The following TMEM219 variants were observed in gnomAD, a reference collection of about 807,000 sequenced individuals.
The protein encoded by TMEM219 is transmembrane protein 219, also known as insulin-like growth factor-binding protein 3 receptor.
TMEM219 carries 18 observed loss-of-function variants against 17.9 expected under a neutral mutation model. That is an observed-to-expected ratio of 1.01 (90% CI 0.70 to 1.49). The LOEUF (loss-of-function observed/expected upper bound fraction) is 1.49, where lower values mean the gene tolerates loss of function less well. Ranked by LOEUF, TMEM219 falls within the 40% of genes most tolerant of loss-of-function variation. The pLI is 0.00. For missense variants in TMEM219, 288 were observed against 292.4 expected (o/e 0.99, Z 0.11); for synonymous variants, 113 against 124.0 (o/e 0.91, Z 0.59).
Position 29,971,447 on chromosome 16 carries a change from G to T in TMEM219, c.625G>T (p.Gly209Cys). ...ALCGSRLLVL[G>C]SFLLLFCGLL... The stretch of plus-strand genomic sequence containing the variant: ...GTGTGGCTCCAGGCTGCTGGTCTTG[G>T]GCTCCTTCCTGCTTCTCTTCTGTGG... Residue 209 changes from glycine (G) to cysteine (C), a missense_variant, in exon 5 of 6, where the codon GGC becomes TGC. Coordinates refer to ENST00000279396, the MANE Select transcript of TMEM219 (RefSeq NM_001083613.2). 1 of 1,614,052 alleles carries T rather than the reference G, an allele frequency of 6.2e-7. No individual in the cohort carries two copies. The highest frequency in any genetic ancestry group is 2.2e-5 in the East Asian group (1 of 44,874).
At chr16:29,971,323 G>C (rs2069284089) in intron 4 of TMEM219, 85 bp from the exon 5 acceptor site, 2 of 1,480,676 alleles carry the variant, frequency 1.4e-6, no homozygotes, top group East Asian at 2.3e-5. Context: ...GATGTGGAGA[G>C]CCCTCTCCCT....
At chr16:29,967,418 G>A (rs1487702614) in intron 3 of TMEM219, among the ~76,000 whole-genome samples, 5 of 152,002 alleles carry the variant, frequency 3.3e-5, no homozygotes, top group East Asian at 3.9e-4. Flanking sequence ...AGTCCAGCCC[G>A]GGCAATACAG....
intron 3 of TMEM219, 99 bp from the exon 4 acceptor site, chr16:29,967,926 C>CAAAA: frequency 2.5e-6 from 2 of 793,860 alleles, no homozygotes; most frequent in Non-Finnish European, 3.8e-6. Context: ...GACTCCGCCT[C>CAAAA]AAAAAAAAAA....
In TMEM219 at chr16:29,963,258, A is replaced by G; in HGVS notation, c.115A>G (p.Ser39Gly). The change falls in exon 2 of 6, where the codon AGC becomes GGC. Residue 39 changes from serine (S) to glycine (G), a missense_variant. Transcript: ENST00000279396. ...TGGCCTCTCTGGCCTGGGCCTTGGC[A>G]GCTTCCTCCTCACCCACAGGACTGG... The part of the protein sequence containing the change: ...LLGLSGLGLG[S>G]FLLTHRTGLR... 1.2e-6 allele frequency: 2 copies of G among 1,614,066 alleles called. No individual in the cohort carries two copies. The highest frequency in any genetic ancestry group is 1.7e-6 in the Non-Finnish European group (2 of 1,180,024).
rs373561978 is a variant in TMEM219 at position 29,963,400 on chromosome 16, G to C, written c.166G>C (p.Asp56His). The change falls in exon 3 of 6, where the codon GAC becomes CAC. Residue 56 changes from aspartate (D) to histidine (H), a missense_variant and splice_region_variant. Coordinates refer to ENST00000279396, the MANE Select transcript of TMEM219 (RefSeq NM_001083613.2). Reference protein sequence around the residue: ...TGLRSPDIPQDWVSFLRSFGQ... With the variant: ...TGLRSPDIPQHWVSFLRSFGQ... ...CTCACCCGTCTTCTTTTGCTCACAGGACTGGGTCTCTTTTTTGAGATCTTT... is the reference window on the plus strand; with the variant it reads ...CTCACCCGTCTTCTTTTGCTCACAGCACTGGGTCTCTTTTTTGAGATCTTT... 3.7e-6 allele frequency: 6 copies of C among 1,614,020 alleles called. No individual in the cohort carries two copies. In the African/African-American group the frequency reaches 8.0e-5, roughly 22 times the overall value.
intron 4 of TMEM219, among the ~76,000 whole-genome samples, chr16:29,969,306 C>T (rs1159003079): frequency 6.8e-6 from 1 of 147,776 alleles, no homozygotes; most frequent in Non-Finnish European, 1.5e-5. Flanking sequence ...ATGCCATTCT[C>T]CTGCCTCAGG....
chr16:29,969,745 GAA>G (rs1484888470), intron 4 of TMEM219, among the ~76,000 whole-genome samples: 2 of 152,132 alleles, frequency 1.3e-5, no homozygotes, highest in Non-Finnish European at 2.9e-5. Flanking sequence ...TTAGGAAGGA[GAA>G]AAGGCAAGAG....
intron 4 of TMEM219, among the ~76,000 whole-genome samples, chr16:29,969,190 C>T (rs1481295432): frequency 2.8e-5 from 4 of 145,132 alleles, no homozygotes; most frequent in Non-Finnish European, 6.0e-5. Context: ...GTTTCTTTTT[C>T]GCTTTTTTTT....
intron 5 of TMEM219, chr16:29,972,286 A>G (rs1230786378): frequency 1.3e-5 from 2 of 152,218 alleles, no homozygotes; most frequent in African/African-American, 2.4e-5. Flanking sequence ...CTAACTGATG[A>G]TACTCATTTA....
Position 29,968,108 on chromosome 16 carries a change from G to A in TMEM219, c.439G>A (p.Val147Ile). The A allele has an allele frequency of 1.9e-6, 3 of 1,614,162 alleles. No homozygotes were observed. Among genetic ancestry groups the A allele is most frequent in the Non-Finnish European group, 2.5e-6 (3 of 1,180,032 alleles). ...AGGAACCTGCCTATATTTTAGTGCT[G>A]TTCCAGGAATCCTACCCTCCAGCCA... ...TAGTCLYFSA[V>I]PGILPSSQPP... Residue 147 changes from valine (V) to isoleucine (I), a missense_variant, in exon 4 of 6, where the codon GTT (valine) becomes ATT (isoleucine). Physicochemically the swap from Val to Ile is conservative, Grantham distance 29. Transcript: ENST00000279396.
intron 3 of TMEM219, among the ~76,000 whole-genome samples, chr16:29,965,196 T>G (rs973867207): frequency 2.6e-5 from 4 of 152,068 alleles, no homozygotes; most frequent in African/African-American, 9.7e-5. Context: ...TTTTCTGACT[T>G]CTGAGGTCCT....
intron 4 of TMEM219, among the ~76,000 whole-genome samples, chr16:29,969,058 A>G (rs533459725): frequency 3.2e-4 from 48 of 152,276 alleles, no homozygotes; most frequent in Admixed American, 6.5e-4. Flanking sequence ...GCACAGGCCT[A>G]GAGATTGAAA....
intron 3 of TMEM219, among the ~76,000 whole-genome samples, chr16:29,966,813 T>G (rs2069218524): frequency 6.6e-6 from 1 of 151,994 alleles, no homozygotes; most frequent in South Asian, 2.1e-4. Flanking sequence ...TGAAACTCTG[T>G]CTCAAAAATA....
chr16:29,966,874 TAA>T (rs959194722), intron 3 of TMEM219, among the ~76,000 whole-genome samples: 3 of 152,150 alleles, frequency 2.0e-5, no homozygotes, highest in Non-Finnish European at 2.9e-5. Flanking sequence ...TTTAAATACT[TAA>T]GTTTTTTTTT....
At chr16:29,964,576 G>T (rs1258521226) in intron 3 of TMEM219, among the ~76,000 whole-genome samples, 1 of 151,740 alleles carries the variant, frequency 6.6e-6, no homozygotes, top group Non-Finnish European at 1.5e-5. Flanking sequence ...CAGGAGAATC[G>T]CTTGAACCTG....
chr16:29,971,837 C>T, intron 5 of TMEM219: 1 of 265,336 alleles, frequency 3.8e-6, no homozygotes, highest in Non-Finnish European at 7.2e-6. Flanking sequence ...TATAAAAGGA[C>T]AGCTTGGCAA....
chr16:29,967,781 G>T (rs1023581040), intron 3 of TMEM219, among the ~76,000 whole-genome samples: 1 of 152,212 alleles, frequency 6.6e-6, no homozygotes, highest in African/African-American at 2.4e-5. Flanking sequence ...CAAAAAATTA[G>T]CTGGGCCTGG....
intron 4 of TMEM219, among the ~76,000 whole-genome samples, chr16:29,969,494 G>A (rs1295247744): frequency 6.6e-6 from 1 of 151,644 alleles, no homozygotes; most frequent in South Asian, 2.1e-4. Flanking sequence ...TGCGCCTGGC[G>A]ACCCCATTTC....
At chr16:29,963,726 T>A in intron 3 of TMEM219, 137 bp downstream of exon 3, 1 of 796,352 alleles carries the variant, frequency 1.3e-6, no homozygotes, top group East Asian at 2.9e-5. Flanking sequence ...CTACTAAAAA[T>A]ACAAAAATTA....
Sources: allele counts gnomAD v4.1 joint callset (sites outside exome capture counted in the v4.1 genomes callset), GRCh38; gene constraint gnomAD v4.1.1; transcripts MANE v1.5; gene names NCBI Gene and HGNC (gene_info 2026-07-23, HGNC 2026-07-21).